The following NFATC1 variants were observed in gnomAD, a reference collection of about 807,000 sequenced individuals.
NFATC1 encodes the protein nuclear factor of activated T cells 1.
NFATC1 carries 22 observed loss-of-function variants against 76.0 expected under a neutral mutation model. The observed-to-expected ratio is 0.29, with a 90% CI of 0.21 to 0.41. NFATC1 has a LOEUF of 0.41. Ranked by LOEUF, NFATC1 falls within the 10% of genes least tolerant of loss-of-function variation. The pLI is 1.00. For synonymous variants in NFATC1, 704 were observed against 613.1 expected (o/e 1.15, Z -2.19); for missense variants, 1,357 against 1,337.7 (o/e 1.01, Z -0.23).
intron 9 of NFATC1, among the ~76,000 whole-genome samples, chr18:79,495,630 G>A (rs538406511): frequency 7.9e-5 from 12 of 152,250 alleles, no homozygotes; most frequent in Non-Finnish European, 1.6e-4. Context: ...TTGTGCCGAA[G>A]AAAATTCACG....
intron 3 of NFATC1, among the ~76,000 whole-genome samples, chr18:79,442,834 A>G (rs1202842344): frequency 2.0e-5 from 3 of 150,366 alleles, no homozygotes; most frequent in Non-Finnish European, 3.0e-5. Context: ...GTTTCTCCCC[A>G]CTCCCACCCA....
In NFATC1 at chr18:79,486,411, G is replaced by T. The variant is rs368749505; in HGVS notation, c.2256G>T (p.Pro752=). The T allele has an allele frequency of 1.2e-5, 19 of 1,612,472 alleles. No individual in the cohort carries two copies. Among genetic ancestry groups the T allele is most frequent in the African/African-American group, 9.3e-5 (7 of 74,902 alleles). Residue 752 remains proline (P), a synonymous_variant, in exon 9 of 10, where the codon CCG becomes CCT. Transcript: ENST00000427363. ...TCGTGGCCGGCTTCCCGCCCTGTCCGCAGAGAAGCACCCTGATGCCAGCGG... is the reference window on the plus strand; with the variant it reads ...TCGTGGCCGGCTTCCCGCCCTGTCCTCAGAGAAGCACCCTGATGCCAGCGG... ...SCLVAGFPPC[P]QRSTLMPAAP...
At chr18:79,444,206 C>CGT (rs200105508) in intron 3 of NFATC1, among the ~76,000 whole-genome samples, 2,007 of 152,068 alleles carry the variant, frequency 0.013, 50 homozygotes, top group African/African-American at 0.046. Flanking sequence ...TGTGTGTGTG[C>CGT]GTGTGTGTGT....
At position 79,527,891 on chromosome 18, in the gene NFATC1, C is replaced by T. The variant is rs2090811229; in HGVS notation, c.*314C>T. ...GGCCCACACGCAGTTTGACCCCACG[C>T]CCAGCCCTTCTGGCACCCCTGGGGT... On this transcript the variant is annotated 3_prime_UTR_variant, in exon 10 of 10. Coordinates refer to ENST00000427363, the MANE Select transcript of NFATC1 (RefSeq NM_001278669.2). The T allele has an allele frequency of 1.6e-5, 7 of 446,712 alleles. No homozygotes were observed. In the South Asian group the frequency reaches 5.1e-4, roughly 33 times the overall value. The allele number at this position is 446,712 out of a possible 1,614,324, so 27.7% of individuals were successfully genotyped here. A position where few individuals can be genotyped will look rare whatever the true frequency, so the allele number is the denominator to read the frequency against.
chr18:79,404,665 C>CA (rs2085373446), intron 1 of NFATC1, among the ~76,000 whole-genome samples: 1 of 152,226 alleles, frequency 6.6e-6, no homozygotes. Flanking sequence ...GGCCGCCTCT[C>CA]AGAGTTTGTG....
At chr18:79,518,503 CT>C (rs987079286) in intron 9 of NFATC1, among the ~76,000 whole-genome samples, 5 of 152,196 alleles carry the variant, frequency 3.3e-5, no homozygotes, top group African/African-American at 4.8e-5. Context: ...GGCACCCCCC[CT>C]CTCGCTCGTG....
At chr18:79,427,988 G>T (rs1263765832) in intron 2 of NFATC1, among the ~76,000 whole-genome samples, 1 of 147,672 alleles carries the variant, frequency 6.8e-6, no homozygotes, top group Non-Finnish European at 1.5e-5. Context: ...CTGGACGGCT[G>T]GCCTCTATGT....
intron 1 of NFATC1, among the ~76,000 whole-genome samples, chr18:79,400,688 GA>G (rs78412563): frequency 0.76 from 114,342 of 150,412 alleles, 43,966 homozygotes; most frequent in East Asian, 0.83. Flanking sequence ...GGTCCTGGGG[GA>G]AGAGCGCAGC....
intron 3 of NFATC1, among the ~76,000 whole-genome samples, chr18:79,435,335 T>TG (rs1246120561): frequency 2.0e-4 from 13 of 64,444 alleles, no homozygotes; most frequent in African/African-American, 2.9e-4. Flanking sequence ...CTGTTTGTTT[T>TG]GTTTTTTGGT....
intron 8 of NFATC1, among the ~76,000 whole-genome samples, chr18:79,479,393 A>G (rs2089196653): frequency 6.6e-6 from 1 of 152,024 alleles, no homozygotes; most frequent in African/African-American, 2.4e-5. Flanking sequence ...CACGGGTGAG[A>G]CTCCCAGGCG....
rs531132851 is a variant in NFATC1 at position 79,410,184 on chromosome 18, G to C, written c.128-219G>C. On this transcript the variant is annotated intron_variant, in intron 1 of 9. Coordinates refer to ENST00000427363, the MANE Select transcript of NFATC1 (RefSeq NM_001278669.2). The surrounding 1 kb of genome is among the most constrained non-coding windows in gnomAD (Gnocchi z 6.7). Reference sequence around the variant, plus strand: ...TAGGGGAGGAGGGGAGGTGGGCAGTGAGGGGCTCACGGGAGCCTTGTTGGC... The same window carrying C: ...TAGGGGAGGAGGGGAGGTGGGCAGTCAGGGGCTCACGGGAGCCTTGTTGGC... The C allele has an allele frequency of 1.3e-6, 1 of 785,562 alleles. No individual in the cohort carries two copies. The highest frequency in any genetic ancestry group is 1.7e-5 in the African/African-American group (1 of 59,356). 48.7% of individuals were successfully genotyped at this position (785,562 alleles called of 1,614,324 possible).
chr18:79,479,560 G>T (rs1194973797), intron 8 of NFATC1, among the ~76,000 whole-genome samples: 2 of 152,258 alleles, frequency 1.3e-5, no homozygotes, highest in African/African-American at 2.4e-5. Flanking sequence ...CTTCTTAGAT[G>T]CTGGGGTGTG....
intron 3 of NFATC1, among the ~76,000 whole-genome samples, chr18:79,440,587 G>A (rs1294239868): frequency 6.6e-6 from 1 of 152,210 alleles, no homozygotes; most frequent in Non-Finnish European, 1.5e-5. Context: ...ACCGAGGGTG[G>A]TGTTGGCCAT....
Position 79,396,004 on chromosome 18 carries a change from G to C in NFATC1, c.-221G>C, listed in dbSNP as rs1159738958. 1.0e-5 allele frequency: 3 copies of C among 299,156 alleles called. No homozygotes were observed. The highest frequency in any genetic ancestry group is 1.6e-5 in the Non-Finnish European group (3 of 182,348). 18.5% of individuals were successfully genotyped at this position (299,156 alleles called of 1,614,324 possible). ...GCCAGATCCCAGCAGCAGGGCGCGG[G>C]CACCGGGGCGCGGGCAGGGCTCGGA... On this transcript the variant is annotated 5_prime_UTR_variant, in exon 1 of 10. Coordinates refer to ENST00000427363, the MANE Select transcript of NFATC1 (RefSeq NM_001278669.2).
intron 4 of NFATC1, among the ~76,000 whole-genome samples, chr18:79,450,474 GATA>G (rs751044286): frequency 7.3e-5 from 11 of 149,942 alleles, no homozygotes; most frequent in South Asian, 4.2e-4. Flanking sequence ...TATTGTAAAT[GATA>G]ATAATAAATT....
At chr18:79,407,818 C>T (rs530249013) in intron 1 of NFATC1, among the ~76,000 whole-genome samples, 1 of 152,310 alleles carries the variant, frequency 6.6e-6, no homozygotes, top group African/African-American at 2.4e-5. Context: ...CTCTTGAGGG[C>T]ATTTCTTTAC....
rs1389000410 is a variant in NFATC1 at position 79,500,605 on chromosome 18, A to G, written c.2782+13668A>G. Among the ~76,000 whole-genome samples, 7 of 152,294 alleles carry G rather than the reference A, an allele frequency of 4.6e-5. No homozygotes were observed. In the East Asian group the frequency reaches 1.3e-3, roughly 29 times the overall value. On this transcript the variant is annotated intron_variant, in intron 9 of 9. Transcript: ENST00000427363. ...AAAACCAAAGTTAGTTATTTGAAAA[A>G]ACAACAAAATTGACAAAACTTTAAT...
At chr18:79,520,714 T>TG (rs35034400) in intron 9 of NFATC1, among the ~76,000 whole-genome samples, 7 of 7,028 alleles carry the variant, frequency 1.0e-3, no homozygotes, top group Non-Finnish European at 1.4e-3. Flanking sequence ...TATGTGTGTG[T>TG]GGGGGGGGGG....
intron 1 of NFATC1, among the ~76,000 whole-genome samples, chr18:79,398,663 G>A (rs1444760314): frequency 6.6e-6 from 1 of 152,264 alleles, no homozygotes; most frequent in African/African-American, 2.4e-5. Flanking sequence ...CGCGGCCTGG[G>A]GCCACCAGCA....
Sources: allele counts gnomAD v4.1 joint callset (sites outside exome capture counted in the v4.1 genomes callset), GRCh38; gene constraint gnomAD v4.1.1; non-coding constraint Gnocchi (gnomAD v3.1); transcripts MANE v1.5; gene names NCBI Gene and HGNC (gene_info 2026-07-23, HGNC 2026-07-21).